SPECC1L: variants seen among roughly 807,000 people sequenced by gnomAD.
The protein encoded by SPECC1L is cytospin-A.
In SPECC1L, 40 loss-of-function variants were observed where a neutral mutation model predicts 116.8. The observed-to-expected ratio is 0.34, with a 90% CI of 0.27 to 0.45. The LOEUF (loss-of-function observed/expected upper bound fraction) is 0.45, where lower values mean the gene tolerates loss of function less well. SPECC1L is among the 20% of genes least tolerant of loss of function. The pLI is 1.00. For missense variants in SPECC1L, 1,110 were observed against 1,373.6 expected (o/e 0.81, Z 3.03); for synonymous variants, 504 against 500.6 (o/e 1.01, Z -0.09).
rs1016008966 is a variant in SPECC1L at position 24,390,872 on chromosome 22, C to CTTTTTTTTTTTTTTTTTTTTTT, written c.3088-20711_3088-20690dup. Among the ~76,000 whole-genome samples, 37 of 57,126 alleles carry CTTTTTTTTTTTTTTTTTTTTTT rather than the reference C, an allele frequency of 6.5e-4. 1 individual carries two copies. The highest frequency in any genetic ancestry group is 9.1e-4 in the African/African-American group (12 of 13,208). 37.5% of individuals were successfully genotyped at this position (57,126 alleles called of 152,430 possible). ...TGTTCCTTTTTTTTTTTTTTCTTTTCTTTTTTTTTTTTTTTTTTTTTTTTT... is the reference window on the plus strand; with the variant it reads ...TGTTCCTTTTTTTTTTTTTTCTTTTCTTTTTTTTTTTTTTTTTTTTTTTTTTTTTTTTTTTTTTTTTTTTTTT... On this transcript the variant is annotated intron_variant, in intron 14 of 16. Coordinates refer to ENST00000314328, the MANE Select transcript of SPECC1L (RefSeq NM_015330.6).
Position 24,414,967 on chromosome 22 carries a change from G to A in SPECC1L, c.*344G>A, listed in dbSNP as rs2042774356. 1 of 333,934 alleles carries A rather than the reference G, an allele frequency of 3.0e-6. No individual in the cohort carries two copies. Among genetic ancestry groups the A allele is most frequent in the Admixed American group, 4.0e-5 (1 of 24,816 alleles). 20.7% of individuals were successfully genotyped at this position (333,934 alleles called of 1,614,324 possible). Reference sequence around the variant, plus strand: ...AGGGCTCATGCACAGCTGAATTTGGGAAAAGGGATTCAGTTCTGTGGGAAA... The same window carrying A: ...AGGGCTCATGCACAGCTGAATTTGGAAAAAGGGATTCAGTTCTGTGGGAAA... On this transcript the variant is annotated 3_prime_UTR_variant, in exon 17 of 17. Coordinates refer to ENST00000314328, the MANE Select transcript of SPECC1L (RefSeq NM_015330.6).
rs5996695 is a variant in SPECC1L, at chr22:24,412,741, C to T, written c.3264+34C>T. 2.7e-4 allele frequency: 437 copies of T among 1,606,688 alleles called. No homozygotes were observed. In the African/African-American group the frequency reaches 3.7e-3, roughly 14 times the overall value. On this transcript the variant is annotated intron_variant, in intron 16 of 16. Transcript: ENST00000314328. Reference sequence around the variant, plus strand: ...TTGTCCCCCTGAGTCACTGGCAGGGCCCTCCTTCTGGTTAAGAAGAGTTCA... The same window carrying T: ...TTGTCCCCCTGAGTCACTGGCAGGGTCCTCCTTCTGGTTAAGAAGAGTTCA...
At chr22:24,319,792 A>C (rs2040683222) in intron 4 of SPECC1L, among the ~76,000 whole-genome samples, 1 of 152,166 alleles carries the variant, frequency 6.6e-6, no homozygotes, top group Admixed American at 6.5e-5. Flanking sequence ...CTATCTGTGG[A>C]GATCATTTGC....
chr22:24,341,937 T>C (rs2041185227), intron 10 of SPECC1L, among the ~76,000 whole-genome samples: 1 of 152,180 alleles, frequency 6.6e-6, no homozygotes, highest in Admixed American at 6.5e-5. Flanking sequence ...TCTTCGATCC[T>C]CGAGATAACT....
At chr22:24,366,195 CTT>C (rs1569437213) in intron 13 of SPECC1L, among the ~76,000 whole-genome samples, 3 of 71,010 alleles carry the variant, frequency 4.2e-5, no homozygotes, top group Admixed American at 1.5e-4. Flanking sequence ...AGTGATGGAA[CTT>C]TTCTTTTTTT....
intron 14 of SPECC1L, among the ~76,000 whole-genome samples, chr22:24,395,461 G>A (rs1227483983): frequency 6.6e-6 from 1 of 152,096 alleles, no homozygotes; most frequent in Admixed American, 6.5e-5. Context: ...GGGACTGAGG[G>A]GAAAGGAAGA....
In SPECC1L at chr22:24,403,595, G is replaced by A. The variant is rs548307093; in HGVS notation, c.3088-7993G>A. On this transcript the variant is annotated intron_variant, in intron 14 of 16. Transcript: ENST00000314328. ...GTAGGAATCAGGACATGAGTGCAGAGTGGAAGGCCCTTGGCCCTCCAGCCC... is the reference window on the plus strand; with the variant it reads ...GTAGGAATCAGGACATGAGTGCAGAATGGAAGGCCCTTGGCCCTCCAGCCC... Among the ~76,000 whole-genome samples, 58 of 152,234 alleles carry A rather than the reference G, an allele frequency of 3.8e-4. 3 individuals carry two copies. In the South Asian group the frequency reaches 0.012, roughly 30 times the overall value.
chr22:24,361,061 A>G (rs891576968), intron 11 of SPECC1L, among the ~76,000 whole-genome samples: 2 of 152,222 alleles, frequency 1.3e-5, no homozygotes, highest in Non-Finnish European at 2.9e-5. Flanking sequence ...CTAGGCCTCC[A>G]AAGTAGCAAA....
chr22:24,314,525 C>T (rs2040523505), intron 4 of SPECC1L, among the ~76,000 whole-genome samples: 1 of 152,064 alleles, frequency 6.6e-6, no homozygotes, highest in Non-Finnish European at 1.5e-5. Flanking sequence ...TCATGTAGGT[C>T]CATATATAAT....
At chr22:24,395,862 A>G (rs1252336043) in intron 14 of SPECC1L, among the ~76,000 whole-genome samples, 1 of 152,166 alleles carries the variant, frequency 6.6e-6, no homozygotes, top group Non-Finnish European at 1.5e-5. Context: ...GCTGGTCTCG[A>G]ACTCTTGGCC....
chr22:24,313,174 T>C, intron 3 of SPECC1L, 139 bp from the exon 4 acceptor site: 1 of 770,578 alleles, frequency 1.3e-6, no homozygotes, highest in Non-Finnish European at 2.2e-6. Flanking sequence ...GACAGTATGG[T>C]GTGCTGCTTA....
At chr22:24,288,508 C>G (rs1000191559) in intron 2 of SPECC1L, among the ~76,000 whole-genome samples, 33 of 150,870 alleles carry the variant, frequency 2.2e-4, no homozygotes, top group Non-Finnish European at 1.3e-4. Context: ...TTTAACCTAA[C>G]CAGTGAAATG....
At chr22:24,299,392 G>A (rs1346047147) in intron 2 of SPECC1L, among the ~76,000 whole-genome samples, 1 of 152,060 alleles carries the variant, frequency 6.6e-6, no homozygotes, top group Non-Finnish European at 1.5e-5. Context: ...AGCCGTGACT[G>A]CACCACTGCA....
chr22:24,318,671 G>C (rs2040654766), intron 4 of SPECC1L, among the ~76,000 whole-genome samples: 1 of 152,186 alleles, frequency 6.6e-6, no homozygotes, highest in Non-Finnish European at 1.5e-5. Context: ...TGTAATCCCA[G>C]CACTTTAGGA....
intron 2 of SPECC1L, among the ~76,000 whole-genome samples, chr22:24,293,336 C>G (rs1466987139): frequency 6.6e-6 from 1 of 152,110 alleles, no homozygotes; most frequent in Non-Finnish European, 1.5e-5. Context: ...ACCTGTAGTC[C>G]CAGCTACTCG....
chr22:24,300,079 A>G (rs2049346704), intron 2 of SPECC1L, among the ~76,000 whole-genome samples: 1 of 152,202 alleles, frequency 6.6e-6, no homozygotes, highest in South Asian at 2.1e-4. Flanking sequence ...ATAGGTATAC[A>G]TGTGCCATGG....
At chr22:24,405,752 T>A (rs913525309) in intron 14 of SPECC1L, among the ~76,000 whole-genome samples, 4 of 151,560 alleles carry the variant, frequency 2.6e-5, no homozygotes, top group African/African-American at 9.7e-5. Flanking sequence ...ATGCAGAGAA[T>A]TGCTTGAACC....
intron 14 of SPECC1L, among the ~76,000 whole-genome samples, chr22:24,370,684 C>T (rs1021349364): frequency 4.6e-5 from 7 of 152,064 alleles, no homozygotes; most frequent in Non-Finnish European, 8.8e-5. Context: ...AAGTGTCTGT[C>T]GATAGAAGAA....
At chr22:24,271,414 C>A (rs951597392) in intron 1 of SPECC1L, among the ~76,000 whole-genome samples, 4 of 152,234 alleles carry the variant, frequency 2.6e-5, no homozygotes, top group African/African-American at 9.6e-5. Flanking sequence ...GCCCCGAGGG[C>A]GCAGAGCGGA....
Sources: allele counts gnomAD v4.1 joint callset (sites outside exome capture counted in the v4.1 genomes callset), GRCh38; gene constraint gnomAD v4.1.1; transcripts MANE v1.5; gene names NCBI Gene and HGNC (gene_info 2026-07-23, HGNC 2026-07-21).